BICDL1: variants seen among roughly 807,000 people sequenced by gnomAD.
The protein encoded by BICDL1 is BICD family like cargo adaptor 1.
In BICDL1, 20 loss-of-function variants were observed where a neutral mutation model predicts 76.8. The observed-to-expected ratio is 0.26, with a 90% confidence interval of 0.18 to 0.38. The LOEUF (loss-of-function observed/expected upper bound fraction) is 0.38, where lower values mean the gene tolerates loss of function less well. BICDL1 is among the 10% of genes least tolerant of loss of function. The probability of loss-of-function intolerance (pLI) is 1.00; values close to 1 mark genes in which losing one functional copy is unlikely to be tolerated. For missense variants in BICDL1, 700 were observed against 798.6 expected (o/e 0.88, Z 1.49); for synonymous variants, 383 against 337.1 (o/e 1.14, Z -1.49).
At chr12:120,069,837 T>C (rs1872951039) in intron 4 of BICDL1, among the ~76,000 whole-genome samples, 2 of 152,238 alleles carry the variant, frequency 1.3e-5, no homozygotes, top group African/African-American at 4.8e-5. Context: ...TACTTGCCGC[T>C]TCCTCAAAAG....
intron 7 of BICDL1, among the ~76,000 whole-genome samples, chr12:120,078,046 C>T (rs879344076): frequency 1.7e-4 from 26 of 152,322 alleles, no homozygotes; most frequent in South Asian, 1.0e-3. Flanking sequence ...ATGCTACCCA[C>T]ACCTGGGCCT....
At chr12:120,065,770 C>A (rs754755616) in intron 4 of BICDL1, among the ~76,000 whole-genome samples, 1 of 152,190 alleles carries the variant, frequency 6.6e-6, no homozygotes, top group African/African-American at 2.4e-5. Context: ...ACAGAAGGTC[C>A]CACTGGGCTC....
chr12:120,046,744 G>A (rs1236889476), intron 2 of BICDL1, among the ~76,000 whole-genome samples: 1 of 152,152 alleles, frequency 6.6e-6, no homozygotes, highest in Non-Finnish European at 1.5e-5. Flanking sequence ...TTAACATAGG[G>A]GATAGTGTCA....
intron 2 of BICDL1, among the ~76,000 whole-genome samples, chr12:120,016,568 T>A (rs899178453): frequency 6.6e-6 from 1 of 150,578 alleles, no homozygotes; most frequent in African/African-American, 2.4e-5. Flanking sequence ...ACTACAGGCA[T>A]GTGCCACCAT....
At chr12:120,073,192 A>C (rs1383428089) in intron 6 of BICDL1, among the ~76,000 whole-genome samples, 1 of 152,188 alleles carries the variant, frequency 6.6e-6, no homozygotes, top group Admixed American at 6.5e-5. Flanking sequence ...TTATTTGAGA[A>C]CACCAACTAC....
chr12:120,061,644 C>A, intron 2 of BICDL1, 66 bp from the exon 3 acceptor site: 1 of 1,036,578 alleles, frequency 9.6e-7, no homozygotes, highest in Non-Finnish European at 1.5e-6. Context: ...TAAATGAAAG[C>A]AGAAACCTTA....
At chr12:120,062,223 T>G (rs1177755835) in intron 3 of BICDL1, among the ~76,000 whole-genome samples, 1 of 152,104 alleles carries the variant, frequency 6.6e-6, no homozygotes, top group Non-Finnish European at 1.5e-5. Flanking sequence ...CTTCACAGGT[T>G]TTTGCAAGGA....
At chr12:120,014,099 C>T (rs1952013124) in intron 2 of BICDL1, among the ~76,000 whole-genome samples, 2 of 152,162 alleles carry the variant, frequency 1.3e-5, no homozygotes, top group South Asian at 4.1e-4. Flanking sequence ...CTTTGAAAAA[C>T]AAGGTGTAAA....
In BICDL1 at chr12:120,074,572, C is replaced by A; in HGVS notation, c.1438C>A (p.Arg480=). Reference sequence around the variant, plus strand: ...GAGGCAAAGCCTAGAAGAGCTGCAGCGACTCCACAGTCAGGTGAGCACCCC... The same window carrying A: ...GAGGCAAAGCCTAGAAGAGCTGCAGAGACTCCACAGTCAGGTGAGCACCCC... ...KLRQSLEELQ[R]LHSQVTLLSV... The change falls in exon 7 of 10, where the codon CGA becomes AGA. Residue 480 remains arginine, a synonymous_variant. Coordinates refer to ENST00000548673, the MANE Select transcript of BICDL1 (RefSeq NM_001367886.1). The A allele has an allele frequency of 8.1e-7, 1 of 1,239,120 alleles. No individual in the cohort carries two copies. Among genetic ancestry groups the A allele is most frequent in the South Asian group, 1.4e-5 (1 of 73,010 alleles). The allele number at this position is 1,239,120 out of a possible 1,614,324, so 76.8% of individuals were successfully genotyped here.
chr12:120,068,647 C>T (rs186340465), intron 4 of BICDL1, among the ~76,000 whole-genome samples: 59 of 152,338 alleles, frequency 3.9e-4, no homozygotes, highest in African/African-American at 1.2e-3. Context: ...GAAACCCCGT[C>T]TCTACTAAAA....
chr12:120,010,779 C>T (rs1462256591), intron 2 of BICDL1, among the ~76,000 whole-genome samples: 1 of 152,090 alleles, frequency 6.6e-6, no homozygotes, highest in East Asian at 1.9e-4. Flanking sequence ...TGTGCAGTCA[C>T]TAATCTATGA....
Position 119,989,462 on chromosome 12 carries a change from G to GGCAGCA in BICDL1, c.-395_-390dup, listed in dbSNP as rs746391690. Among the ~76,000 whole-genome samples the GGCAGCA allele has an allele frequency of 0.7, 103,516 of 146,950 alleles. 36,502 individuals carry two copies. Among genetic ancestry groups the GGCAGCA allele is most frequent in the African/African-American group, 0.78 (31,725 of 40,516 alleles). On this transcript the variant is annotated 5_prime_UTR_variant, in exon 1 of 10. Coordinates refer to ENST00000548673, the MANE Select transcript of BICDL1 (RefSeq NM_001367886.1). Reference sequence around the variant, plus strand: ...CGTGAGGCGCTGCCCGGCCGGCGGCGGCAGCAGCAGCAGCAGCGGCAGCGG... The same window carrying GGCAGCA: ...CGTGAGGCGCTGCCCGGCCGGCGGCGGCAGCAGCAGCAGCAGCAGCAGCGGCAGCGG...
chr12:120,013,097 G>A (rs1234789737), intron 2 of BICDL1, among the ~76,000 whole-genome samples: 2 of 152,138 alleles, frequency 1.3e-5, no homozygotes, highest in African/African-American at 4.8e-5. Context: ...GATCACCTAA[G>A]GTCAGGAGTT....
intron 6 of BICDL1, 110 bp downstream of exon 6, chr12:120,072,839 T>C (rs1485270639): frequency 4.5e-6 from 4 of 885,378 alleles, no homozygotes; most frequent in Non-Finnish European, 6.9e-6. Context: ...CTATAAAATA[T>C]CTGCAAGAAT....
chr12:119,994,494 A>C (rs185125710), intron 1 of BICDL1, among the ~76,000 whole-genome samples: 8 of 148,210 alleles, frequency 5.4e-5, no homozygotes, highest in Admixed American at 5.4e-4. Flanking sequence ...TTTTAAATAG[A>C]CTCTTTTTTT....
chr12:120,005,459 C>T (rs1434165493), intron 2 of BICDL1, among the ~76,000 whole-genome samples: 1 of 152,154 alleles, frequency 6.6e-6, no homozygotes, highest in Non-Finnish European at 1.5e-5. Flanking sequence ...CTGCAACCTC[C>T]ACCTCCTGGG....
At chr12:120,005,947 G>A (rs1293292651) in intron 2 of BICDL1, among the ~76,000 whole-genome samples, 1 of 152,136 alleles carries the variant, frequency 6.6e-6, no homozygotes, top group Non-Finnish European at 1.5e-5. Flanking sequence ...GGATAGCTAG[G>A]TCAAATGGTA....
chr12:120,027,029 T>G (rs1315222372), intron 2 of BICDL1, among the ~76,000 whole-genome samples: 1 of 72,356 alleles, frequency 1.4e-5, no homozygotes, highest in Admixed American at 1.2e-4. Context: ...TGTAATTTCT[T>G]TTTTTTTTTT....
chr12:120,011,031 A>G (rs1036746755), intron 2 of BICDL1, among the ~76,000 whole-genome samples: 1 of 152,234 alleles, frequency 6.6e-6, no homozygotes, highest in African/African-American at 2.4e-5. Flanking sequence ...TCAGTCACCA[A>G]CTTTTAGTAG....
Sources: allele counts gnomAD v4.1 joint callset (sites outside exome capture counted in the v4.1 genomes callset), GRCh38; gene constraint gnomAD v4.1.1; transcripts MANE v1.5; gene names NCBI Gene and HGNC (gene_info 2026-07-23, HGNC 2026-07-21).